Variants in WDR64 observed in about 807,000 individuals in gnomAD.
WDR64 encodes the protein WD repeat domain 64, also known as WD repeat-containing protein 64.
Under a neutral mutation model 139.3 loss-of-function variants are expected in WDR64, and 112 were observed. That is an observed-to-expected ratio of 0.80 (90% CI 0.69 to 0.94). WDR64 has a LOEUF of 0.94. Among genes scored for constraint, WDR64 ranks in the 40% least tolerant of loss-of-function variants. WDR64 has a pLI of 0.00. For missense variants in WDR64, 1,206 were observed against 1,293.1 expected (o/e 0.93, Z 1.03); for synonymous variants, 444 against 437.7 (o/e 1.01, Z -0.18).
intron 7 of WDR64, 123 bp downstream of exon 7, chr1:241,683,824 AAAGT>A (rs747716190): frequency 5.2e-6 from 4 of 772,386 alleles, no homozygotes; most frequent in Non-Finnish European, 8.0e-6. Flanking sequence ...AGACAAAATT[AAAGT>A]AATATAAACA....
intron 10 of WDR64, among the ~76,000 whole-genome samples, chr1:241,736,177 C>A (rs1180893805): frequency 3.9e-5 from 6 of 152,106 alleles, no homozygotes; most frequent in African/African-American, 1.4e-4. Flanking sequence ...AGCTGCTCTG[C>A]TGCCACTGCC....
intron 13 of WDR64, among the ~76,000 whole-genome samples, chr1:241,747,115 A>G (rs766884765): frequency 7.0e-4 from 107 of 152,190 alleles, no homozygotes. Context: ...AAACTTTTAG[A>G]TAAGTAAAAC....
intron 20 of WDR64, among the ~76,000 whole-genome samples, chr1:241,773,371 T>C (rs972675668): frequency 6.6e-6 from 1 of 152,200 alleles, no homozygotes; most frequent in African/African-American, 2.4e-5. Flanking sequence ...ATGTCCCTAA[T>C]AGAAGCAGGA....
In WDR64 at chr1:241,780,002, A is replaced by AG; in HGVS notation, c.2537-1dup. 1 of 1,588,244 alleles carries AG rather than the reference A, an allele frequency of 6.3e-7. No homozygotes were observed. On this transcript the variant is annotated splice_acceptor_variant, in intron 21 of 27. Transcript: ENST00000437684. LOFTEE classifies it high-confidence loss of function. ...AGATTCCAATGTTTAAATTTTATAC[A>AG]GAAGGACATGTTATCCTTTGCAATA... is the stretch of plus-strand genomic sequence containing the variant.
At chr1:241,766,986 G>T (rs192856920) in intron 16 of WDR64, among the ~76,000 whole-genome samples, 23 of 152,146 alleles carry the variant, frequency 1.5e-4, no homozygotes, top group Admixed American at 2.0e-4. Flanking sequence ...AATCTCTCTA[G>T]AGCTTCAAAC....
intron 10 of WDR64, among the ~76,000 whole-genome samples, chr1:241,737,349 A>G (rs772473940): frequency 6.6e-6 from 1 of 152,206 alleles, no homozygotes; most frequent in African/African-American, 2.4e-5. Flanking sequence ...GCAATAGTGA[A>G]GATTTGAACC....
intron 19 of WDR64, 127 bp downstream of exon 19, chr1:241,771,824 A>G (rs891153106): frequency 5.4e-6 from 2 of 373,038 alleles, no homozygotes; most frequent in Non-Finnish European, 8.7e-6. Flanking sequence ...ATATATTCAT[A>G]TACATTCATA....
chr1:241,777,791 A>G (rs551249993), intron 21 of WDR64, among the ~76,000 whole-genome samples: 16 of 152,288 alleles, frequency 1.1e-4, no homozygotes, highest in African/African-American at 3.4e-4. Context: ...ATTTATAAAT[A>G]TTCTACCTAA....
rs757056616 is a variant in WDR64 at position 241,711,841 on chromosome 1, T to C, written c.1014T>C (p.Thr338=). 1.2e-6 allele frequency: 2 copies of C among 1,614,166 alleles called. No homozygotes were observed. The highest frequency in any genetic ancestry group is 1.1e-5 in the South Asian group (1 of 91,080). ...REFSMPRGAN[T]FCYCVKANVI... is the part of the protein sequence containing the mutation. Reference sequence around the variant, plus strand: ...TTTCCATGCCAAGAGGAGCCAACACTTTTTGCTACTGTGTTAAGGCAAATG... The same window carrying C: ...TTTCCATGCCAAGAGGAGCCAACACCTTTTGCTACTGTGTTAAGGCAAATG... The change falls in exon 9 of 28, where the codon ACT becomes ACC. Residue 338 remains threonine (T), a synonymous_variant. Transcript: ENST00000437684.
intron 1 of WDR64, among the ~76,000 whole-genome samples, chr1:241,660,101 G>T (rs1199832196): frequency 6.6e-6 from 1 of 152,110 alleles, no homozygotes; most frequent in Non-Finnish European, 1.5e-5. Flanking sequence ...ATAAGGAAGG[G>T]GTCCAGTTTC....
rs1421047420 is a variant in WDR64 at position 241,735,845 on chromosome 1, CTCTCTCTCTCTGTG to C, written c.1195-2516_1195-2503del. Reference sequence around the variant, plus strand: ...TCTATCTCTCTCTCTCTCTCTCTCTCTCTCTCTCTCTGTGTGTGTGTGTGTGTGTGTGTGTGTGT... The same window carrying C: ...TCTATCTCTCTCTCTCTCTCTCTCTCTGTGTGTGTGTGTGTGTGTGTGTGT... On this transcript the variant is annotated intron_variant, in intron 10 of 27. Transcript: ENST00000437684. Among the ~76,000 whole-genome samples the C allele has an allele frequency of 1.0e-3, 104 of 100,554 alleles. No homozygotes were observed. The East Asian group carries it at 0.018, about 17-fold the overall frequency. 66.0% of individuals were successfully genotyped at this position (100,554 alleles called of 152,430 possible).
chr1:241,766,285 T>C lies in WDR64; in HGVS notation c.2015T>C (p.Ile672Thr). Reference sequence around the variant, plus strand: ...CTACAAGTAGAAGGATATAATTTGATAGCAGCTGGAACCTTAAATGGTGTG... The same window carrying C: ...CTACAAGTAGAAGGATATAATTTGACAGCAGCTGGAACCTTAAATGGTGTG... ...DLLQVEGYNL[I>T]AAGTLNGVII... The change falls in exon 16 of 28, where the codon ATA becomes ACA. Residue 672 changes from isoleucine to threonine, a missense_variant. Transcript: ENST00000437684. 6.2e-7 allele frequency: 1 copy of C among 1,614,168 alleles called. No homozygotes were observed. Among genetic ancestry groups the C allele is most frequent in the Non-Finnish European group, 8.5e-7 (1 of 1,180,026 alleles).
intron 10 of WDR64, among the ~76,000 whole-genome samples, chr1:241,734,575 T>C (rs983776583): frequency 6.6e-6 from 1 of 152,274 alleles, no homozygotes; most frequent in South Asian, 2.1e-4. Flanking sequence ...TATAAATTCC[T>C]ATTTGACCAA....
Position 241,666,146 on chromosome 1 carries a change from C to A in WDR64, c.277-4928C>A, listed in dbSNP as rs1666017311. ...GCATAGTTAAAATAAAATTAACACT[C>A]TAATAGTCATAATATATATATAAGT... On this transcript the variant is annotated intron_variant, in intron 2 of 27. Transcript: ENST00000437684. Among the ~76,000 whole-genome samples, 2 of 152,066 alleles carry A rather than the reference C, an allele frequency of 1.3e-5. 1 individual carries two copies. The highest frequency in any genetic ancestry group is 4.1e-4 in the South Asian group (2 of 4,830).
rs1237771842 is a variant in WDR64, at chr1:241,735,533, C to CCCTTTTTTTTTT, written c.1195-2830_1195-2829insCCTTTTTTTTTT. On this transcript the variant is annotated intron_variant, in intron 10 of 27. Coordinates refer to ENST00000437684, the MANE Select transcript of WDR64 (RefSeq NM_001367482.1). The stretch of plus-strand genomic sequence containing the variant: ...GTTCTCTGTCTCTCTCTCTCTCTCT[C>CCCTTTTTTTTTT]TTTTTTTTTTTTTTTTTTTGATACG... Among the ~76,000 whole-genome samples the CCCTTTTTTTTTT allele has an allele frequency of 1.6e-3, 163 of 103,486 alleles. 3 individuals carry two copies. The highest frequency in any genetic ancestry group is 0.013 in the Middle Eastern group (2 of 152). The allele number at this position is 103,486 out of a possible 152,430, so 67.9% of individuals were successfully genotyped here.
chr1:241,794,232 C>T lies in WDR64; in HGVS notation c.2998-975C>T, dbSNP rs552239136. On this transcript the variant is annotated intron_variant, in intron 25 of 27. Coordinates refer to ENST00000437684, the MANE Select transcript of WDR64 (RefSeq NM_001367482.1). ...TATTTGTATATTTACCTCTACTTCC[C>T]ATCCCTATCACTAAATCATAAGCTC... Among the ~76,000 whole-genome samples, 456 of 151,918 alleles carry T rather than the reference C, an allele frequency of 3.0e-3. 2 individuals carry two copies. The highest frequency in any genetic ancestry group is 0.01 in the African/African-American group (434 of 41,464).
intron 8 of WDR64, among the ~76,000 whole-genome samples, chr1:241,701,746 G>C (rs1193429037): frequency 2.6e-5 from 4 of 152,160 alleles, no homozygotes; most frequent in African/African-American, 9.7e-5. Context: ...AGCTGAAGAG[G>C]TTTCTCAAGT....
chr1:241,766,472 AG>A, intron 16 of WDR64, 121 bp downstream of exon 16: 2 of 1,139,230 alleles, frequency 1.8e-6, no homozygotes, highest in Non-Finnish European at 2.4e-6. Context: ...GAACTTTGGG[AG>A]GAGGATCACT....
At chr1:241,662,338 G>A (rs1007211714) in intron 2 of WDR64, among the ~76,000 whole-genome samples, 2 of 152,144 alleles carry the variant, frequency 1.3e-5, no homozygotes, top group African/African-American at 4.8e-5. Flanking sequence ...CTCTGCTAGG[G>A]AAGAATCTGC....
Sources: allele counts gnomAD v4.1 joint callset (sites outside exome capture counted in the v4.1 genomes callset), GRCh38; gene constraint gnomAD v4.1.1; transcripts MANE v1.5; gene names NCBI Gene and HGNC (gene_info 2026-07-23, HGNC 2026-07-21).